PARVA: variants seen among roughly 807,000 people sequenced by gnomAD.
PARVA encodes alpha-parvin.
Under a neutral mutation model 52.6 loss-of-function variants are expected in PARVA, and 25 were observed. The observed-to-expected ratio is 0.48, with a 90% confidence interval of 0.35 to 0.66. The LOEUF is 0.66. Ranked by LOEUF, PARVA falls within the 30% of genes least tolerant of loss-of-function variation. The pLI is 0.01. For missense variants in PARVA, 373 were observed against 450.9 expected, an observed-to-expected ratio of 0.83 and a Z score of 1.56; for synonymous variants, 185 against 179.1, an observed-to-expected ratio of 1.03 and a Z score of -0.26.
chr11:12,494,016 C>T (rs1941264762), intron 4 of PARVA, among the ~76,000 whole-genome samples: 2 of 152,196 alleles, frequency 1.3e-5, no homozygotes, highest in African/African-American at 4.8e-5. Context: ...ACCCTTTCCT[C>T]AGATATGATC....
chr11:12,518,358 C>G, intron 11 of PARVA, 87 bp from the exon 12 acceptor site: 1 of 943,100 alleles, frequency 1.1e-6, no homozygotes, highest in Non-Finnish European at 1.7e-6. Context: ...CCTCTGGCTA[C>G]AGTGCTGGGC....
At chr11:12,399,750 ATAAT>A (rs1437529463) in intron 1 of PARVA, among the ~76,000 whole-genome samples, 19 of 152,316 alleles carry the variant, frequency 1.2e-4, no homozygotes, top group African/African-American at 4.1e-4. Context: ...GTTACAGTAA[ATAAT>A]TCTTGTATAT....
intron 1 of PARVA, among the ~76,000 whole-genome samples, chr11:12,393,064 A>T (rs76530277): frequency 6.8e-6 from 1 of 146,700 alleles, no homozygotes; most frequent in African/African-American, 2.6e-5. Context: ...AAAAAAAAAA[A>T]AAAGAAAGAA....
intron 1 of PARVA, among the ~76,000 whole-genome samples, chr11:12,424,929 A>G (rs1204698205): frequency 6.6e-6 from 1 of 152,186 alleles, no homozygotes; most frequent in Non-Finnish European, 1.5e-5. Context: ...TGTTTTTGAA[A>G]CATTTCCCTT....
intron 1 of PARVA, among the ~76,000 whole-genome samples, chr11:12,396,238 C>T (rs966629481): frequency 6.6e-6 from 1 of 152,202 alleles, no homozygotes; most frequent in South Asian, 2.1e-4. Flanking sequence ...CCCACTATAA[C>T]ACAGCTGGCT....
intron 5 of PARVA, among the ~76,000 whole-genome samples, chr11:12,500,215 G>A (rs190110897): frequency 2.6e-5 from 4 of 152,274 alleles, no homozygotes; most frequent in Admixed American, 2.0e-4. Flanking sequence ...CAGCAGCCCT[G>A]TTTTAAATAC....
chr11:12,451,973 C>A (rs2135014988), intron 1 of PARVA, among the ~76,000 whole-genome samples: 1 of 152,090 alleles, frequency 6.6e-6, no homozygotes, highest in Non-Finnish European at 1.5e-5. Context: ...CCTTCTAGGG[C>A]TTTTAGGGGA....
At chr11:12,527,768 G>T in intron 12 of PARVA, 81 bp from the exon 13 acceptor site, 1 of 1,045,574 alleles carries the variant, frequency 9.6e-7, no homozygotes. Flanking sequence ...TGGGTGGTGG[G>T]TGGAAGGGAG....
intron 1 of PARVA, among the ~76,000 whole-genome samples, chr11:12,450,629 A>T (rs777415597): frequency 1.8e-4 from 28 of 152,244 alleles, no homozygotes; most frequent in Non-Finnish European, 3.4e-4. Context: ...GTAAAGTCTC[A>T]CAATAGGCTG....
rs140010883 is a variant in PARVA at position 12,478,407 on chromosome 11, T to C, written c.400+458T>C. On this transcript the variant is annotated intron_variant, in intron 4 of 12. Coordinates refer to ENST00000334956, the MANE Select transcript of PARVA (RefSeq NM_018222.5). ...GTGTGTGTATTCCTCCCTGGGTCACTTTGCAGCTGTTCATGTGAAAATGTA... is the reference window on the plus strand; with the variant it reads ...GTGTGTGTATTCCTCCCTGGGTCACCTTGCAGCTGTTCATGTGAAAATGTA... 461 of 268,196 alleles carry C rather than the reference T, an allele frequency of 1.7e-3. 4 individuals are homozygous for C. The highest frequency in any genetic ancestry group is 9.6e-3 in the African/African-American group (435 of 45,436). The allele number at this position is 268,196 out of a possible 1,614,324, so 16.6% of individuals were successfully genotyped here.
chr11:12,517,233 C>A (rs1469181128), intron 10 of PARVA, among the ~76,000 whole-genome samples: 2 of 152,048 alleles, frequency 1.3e-5, no homozygotes, highest in Admixed American at 6.6e-5. Flanking sequence ...TCCATCAGAG[C>A]AGCTGTGCCT....
intron 4 of PARVA, among the ~76,000 whole-genome samples, chr11:12,493,428 C>T (rs542554259): frequency 6.7e-6 from 1 of 148,490 alleles, no homozygotes; most frequent in South Asian, 2.1e-4. Context: ...TATGCAAATC[C>T]ATTTAATACC....
intron 1 of PARVA, among the ~76,000 whole-genome samples, chr11:12,472,717 T>A (rs1940950061): frequency 6.6e-6 from 1 of 152,222 alleles, no homozygotes; most frequent in Non-Finnish European, 1.5e-5. Flanking sequence ...GATGGGACGC[T>A]GCTTTTATTA....
chr11:12,514,845 G>A (rs1941549138), intron 10 of PARVA, among the ~76,000 whole-genome samples: 1 of 152,218 alleles, frequency 6.6e-6, no homozygotes, highest in Admixed American at 6.5e-5. Flanking sequence ...ACTCTGTTCA[G>A]ATTTTGCCAG....
At chr11:12,466,685 CATT>C (rs1375933419) in intron 1 of PARVA, among the ~76,000 whole-genome samples, 1 of 151,914 alleles carries the variant, frequency 6.6e-6, no homozygotes, top group Non-Finnish European at 1.5e-5. Flanking sequence ...TCTAAAAACT[CATT>C]ATCCAACCGT....
intron 1 of PARVA, among the ~76,000 whole-genome samples, chr11:12,467,930 G>T (rs1237550941): frequency 6.6e-6 from 1 of 152,114 alleles, no homozygotes; most frequent in African/African-American, 2.4e-5. Context: ...CCCTTCCCCT[G>T]TGCACATTTA....
chr11:12,516,208 G>A (rs1941565384), intron 10 of PARVA, among the ~76,000 whole-genome samples: 1 of 152,206 alleles, frequency 6.6e-6, no homozygotes, highest in South Asian at 2.1e-4. Context: ...CCGCAGGCCG[G>A]CTAGCTGGCT....
At chr11:12,410,198 C>A (rs1028540821) in intron 1 of PARVA, among the ~76,000 whole-genome samples, 4 of 152,344 alleles carry the variant, frequency 2.6e-5, no homozygotes, top group Admixed American at 2.0e-4. Context: ...GCCACCCAGG[C>A]CCCCGGGACT....
At chr11:12,504,938 G>C (rs753046012) in intron 6 of PARVA, among the ~76,000 whole-genome samples, 1 of 152,112 alleles carries the variant, frequency 6.6e-6, no homozygotes, top group Non-Finnish European at 1.5e-5. Context: ...GTTTGAGAGA[G>C]ACCCCAACTG....
Sources: gnomAD v4.1 joint callset for allele counts (sites outside exome capture counted in the v4.1 genomes callset) on GRCh38, gnomAD v4.1.1 for gene constraint, MANE v1.5 for transcripts, NCBI Gene and HGNC (gene_info 2026-07-23, HGNC 2026-07-21) for gene names.